Variants in RBM45 observed in about 807,000 individuals in gnomAD.
The protein encoded by RBM45 is RNA binding motif protein 45, also known as RNA-binding protein 45.
A neutral mutation model predicts 58.5 loss-of-function variants in RBM45; 39 were observed. That is an observed-to-expected ratio of 0.67 (90% CI 0.52 to 0.87). RBM45 has a LOEUF of 0.87. Ranked by LOEUF, RBM45 falls within the 40% of genes least tolerant of loss-of-function variation. The probability of loss-of-function intolerance (pLI) is 0.00; values close to 1 mark genes in which losing one functional copy is unlikely to be tolerated. For synonymous variants in RBM45, 193 were observed against 203.0 expected, an observed-to-expected ratio of 0.95 and a Z score of 0.42; for missense variants, 481 against 581.6, an observed-to-expected ratio of 0.83 and a Z score of 1.78.
At chr2:178,125,458 A>G (rs1235272860) in intron 8 of RBM45, among the ~76,000 whole-genome samples, 1 of 152,210 alleles carries the variant, frequency 6.6e-6, no homozygotes, top group Non-Finnish European at 1.5e-5. Context: ...AAGTATAAAA[A>G]TAATTTCTCC....
At chr2:178,116,533 T>C in intron 2 of RBM45, 149 bp downstream of exon 2, 1 of 585,230 alleles carries the variant, frequency 1.7e-6, no homozygotes, top group South Asian at 5.7e-5. Context: ...ATCTACTCTT[T>C]AAATATTAAA....
At chr2:178,136,237 G>A (rs184033877) in intron 3 of RBM45, among the ~76,000 whole-genome samples, 19 of 152,312 alleles carry the variant, frequency 1.2e-4, no homozygotes, top group African/African-American at 4.6e-4. Flanking sequence ...GTAAACCCGG[G>A]AGGCGGAACT....
chr2:178,133,239 C>CT (rs1487249654), downstream of RBM45, among the ~76,000 whole-genome samples: 1 of 152,212 alleles, frequency 6.6e-6, no homozygotes, highest in South Asian at 2.1e-4. Flanking sequence ...AATAGGCCAT[C>CT]TTTTTTTACT....
At position 178,120,402 on chromosome 2, in the gene RBM45, T is replaced by C. The variant is rs1368572321; in HGVS notation, c.666T>C (p.Phe222=). The C allele has an allele frequency of 6.2e-7, 1 of 1,609,354 alleles. No homozygotes were observed. The highest frequency in any genetic ancestry group is 2.2e-5 in the East Asian group (1 of 44,778). The change falls in exon 4 of 10, where the codon TTT becomes TTC. Residue 222 remains phenylalanine (F), a synonymous_variant. Transcript: ENST00000286070. The part of the protein sequence containing the change: ...ALGHEPRVNM[F]PFEQQSEFSS... ...GACATGAACCTAGAGTAAATATGTT[T>C]CCATTTGGTAAGTAGGCAACCTTTA... is the stretch of plus-strand genomic sequence containing the variant.
chr2:178,118,036 T>C lies in RBM45; in HGVS notation c.424-19T>C. 1 of 1,531,708 alleles carries C rather than the reference T, an allele frequency of 6.5e-7. No homozygotes were observed. The highest frequency in any genetic ancestry group is 8.8e-7 in the Non-Finnish European group (1 of 1,137,174). 94.9% of individuals were successfully genotyped at this position (1,531,708 alleles called of 1,614,324 possible). A position where few individuals can be genotyped will look rare whatever the true frequency, so the allele number is the denominator to read the frequency against. On this transcript the variant is annotated intron_variant, in intron 2 of 9. Transcript: ENST00000286070. ...ATTAATTTTAAGTCCCCTAAAATCA[T>C]GTCTTTTAACTCTCTTAGGTGTATG...
At chr2:178,138,880 G>A (rs2088065766) in exon 4 of RBM45, 1 of 151,956 alleles carries the variant, frequency 6.6e-6, no homozygotes, top group South Asian at 2.1e-4. Context: ...ATGGAGGTGG[G>A]TGAGGGGTAA....
intron 3 of RBM45, among the ~76,000 whole-genome samples, chr2:178,120,086 T>G (rs892907284): frequency 2.0e-5 from 3 of 152,214 alleles, no homozygotes; most frequent in Admixed American, 6.5e-5. Flanking sequence ...CATTGACCCG[T>G]AATTTGGGAT....
At chr2:178,121,390 A>G (rs764958744) in intron 5 of RBM45, 31 bp downstream of exon 5, 53 of 923,016 alleles carry the variant, frequency 5.7e-5, no homozygotes, top group Non-Finnish European at 7.3e-5. Flanking sequence ...AAAAATATAT[A>G]TATATGTATA....
rs111987691 is a variant in RBM45 at position 178,117,961 on chromosome 2, A to T, written c.424-94A>T. The T allele has an allele frequency of 1.9e-4, 176 of 947,530 alleles. No individual in the cohort carries two copies. The African/African-American group carries it at 2.4e-3, about 13-fold the overall frequency. 58.7% of individuals were successfully genotyped at this position (947,530 alleles called of 1,614,324 possible). A position where few individuals can be genotyped will look rare whatever the true frequency, so the allele number is the denominator to read the frequency against. ...TTATACTGCCTATTTCTTTGTTTGC[A>T]TGCAAGGGTCACATATAAACAAATT... On this transcript the variant is annotated intron_variant, in intron 2 of 9. Transcript: ENST00000286070.
intron 8 of RBM45, chr2:178,125,581 A>G (rs1216800028): frequency 2.7e-6 from 1 of 364,022 alleles, no homozygotes; most frequent in Non-Finnish European, 5.6e-6. Context: ...TAAAGAGTCC[A>G]AGGACAATGT....
At chr2:178,126,748 G>C (rs77574822) in intron 9 of RBM45, among the ~76,000 whole-genome samples, 1,599 of 152,152 alleles carry the variant, frequency 0.011, 8 homozygotes, top group Non-Finnish European at 0.016. Context: ...AAATATTCTC[G>C]TATGCATATA....
chr2:178,114,277 C>T (rs1451160762), intron 1 of RBM45, among the ~76,000 whole-genome samples: 1 of 152,264 alleles, frequency 6.6e-6, no homozygotes, highest in South Asian at 2.1e-4. Flanking sequence ...TGAATTTTAT[C>T]GCTGTCCAAT....
At chr2:178,122,222 G>A (rs924045616) in intron 5 of RBM45, among the ~76,000 whole-genome samples, 5 of 151,296 alleles carry the variant, frequency 3.3e-5, no homozygotes, top group Non-Finnish European at 7.4e-5. Flanking sequence ...AGGGCACTCA[G>A]TAAATCTAAG....
chr2:178,126,228 A>G (rs1406968232), intron 9 of RBM45, 44 bp downstream of exon 9: 1 of 1,341,030 alleles, frequency 7.5e-7, no homozygotes, highest in Admixed American at 1.9e-5. Context: ...TTGAGTAAAT[A>G]GTATATGAGG....
downstream of RBM45, among the ~76,000 whole-genome samples, chr2:178,133,123 A>T (rs1339485822): frequency 6.6e-6 from 1 of 152,120 alleles, no homozygotes; most frequent in Non-Finnish European, 1.5e-5. Flanking sequence ...TAGTCTTTTT[A>T]CCTTGGGCAT....
At chr2:178,126,222 G>C in intron 9 of RBM45, 38 bp downstream of exon 9, 1 of 1,358,834 alleles carries the variant, frequency 7.4e-7, no homozygotes, top group Non-Finnish European at 1.0e-6. Context: ...AACATATTGA[G>C]TAAATAGTAT....
chr2:178,123,971 A>T, intron 7 of RBM45, 59 bp downstream of exon 7: 4 of 1,534,642 alleles, frequency 2.6e-6, no homozygotes, highest in Non-Finnish European at 1.8e-6. Flanking sequence ...ATAAATGTGA[A>T]GAGAAATCAT....
intron 1 of RBM45, among the ~76,000 whole-genome samples, chr2:178,113,319 GGGGA>G (rs56130634): frequency 0.98 from 149,579 of 152,262 alleles, 73,510 homozygotes; most frequent in East Asian, 1. Flanking sequence ...ACTTTAAACT[GGGGA>G]GGGACCTCTG....
chr2:178,128,843 T>C (rs1362176709), intron 9 of RBM45, among the ~76,000 whole-genome samples: 1 of 152,208 alleles, frequency 6.6e-6, no homozygotes, highest in Non-Finnish European at 1.5e-5. Context: ...GTGTATTAAA[T>C]AAACATATTA....
Sources: gnomAD v4.1 joint callset for allele counts (sites outside exome capture counted in the v4.1 genomes callset) on GRCh38, gnomAD v4.1.1 for gene constraint, MANE v1.5 for transcripts, NCBI Gene and HGNC (gene_info 2026-07-23, HGNC 2026-07-21) for gene names.